IQUB: variants seen among roughly 807,000 people sequenced by gnomAD.
IQUB encodes IQ motif and ubiquitin-like domain-containing protein.
Under a neutral mutation model 86.4 loss-of-function variants are expected in IQUB, and 86 were observed. That is an observed-to-expected ratio of 1.00 (90% CI 0.84 to 1.19). The LOEUF is 1.19. Ranked by LOEUF, IQUB falls within the 50% of genes most tolerant of loss-of-function variation. The probability of loss-of-function intolerance (pLI) is 0.00; values close to 1 mark genes in which losing one functional copy is unlikely to be tolerated. For synonymous variants in IQUB, 289 were observed against 304.5 expected, an observed-to-expected ratio of 0.95 and a Z score of 0.53; for missense variants, 946 against 916.9, an observed-to-expected ratio of 1.03 and a Z score of -0.41.
At chr7:123,461,855 T>C (rs1363431121) in intron 10 of IQUB, among the ~76,000 whole-genome samples, 1 of 151,870 alleles carries the variant, frequency 6.6e-6, no homozygotes, top group Non-Finnish European at 1.5e-5. Flanking sequence ...TCTTAGATAT[T>C]TGTGGTAAAA....
At chr7:123,469,527 A>G in intron 8 of IQUB, 143 bp from the exon 9 acceptor site, 1 of 460,238 alleles carries the variant, frequency 2.2e-6, no homozygotes. Context: ...TAATTTAAGA[A>G]TTTGCAGATC....
chr7:123,462,010 GTTC>G (rs537056012), intron 10 of IQUB, among the ~76,000 whole-genome samples: 62 of 151,732 alleles, frequency 4.1e-4, no homozygotes, highest in African/African-American at 1.2e-3. Flanking sequence ...TAACCCAATT[GTTC>G]TTCTCGTTTA....
At chr7:123,487,599 A>C (rs1795264393) in intron 7 of IQUB, among the ~76,000 whole-genome samples, 4 of 152,258 alleles carry the variant, frequency 2.6e-5, no homozygotes, top group Admixed American at 2.0e-4. Context: ...GAATTTTTCA[A>C]ACCTAGCAAA....
intron 6 of IQUB, among the ~76,000 whole-genome samples, chr7:123,498,638 G>A (rs1314197989): frequency 2.0e-5 from 3 of 152,128 alleles, no homozygotes; most frequent in East Asian, 1.9e-4. Context: ...TTTAGGGCTC[G>A]TAGGAAAGCT....
chr7:123,479,842 C>T lies in IQUB; in HGVS notation c.1363G>A (p.Ala455Thr). Reference sequence around the variant, plus strand: ...GCTGCTTCCTGATTTGCCATATAAGCAATGTATCTATGTCTCCCAATGGAA... The same window carrying T: ...GCTGCTTCCTGATTTGCCATATAAGTAATGTATCTATGTCTCCCAATGGAA... ...IASIGRHRYI[A>T]YMANQEAAIQ... Residue 455 changes from alanine (A) to threonine (T), a missense_variant, in exon 8 of 13, where the codon GCT (alanine) becomes ACT (threonine). Physicochemically the swap from Ala to Thr is moderately conservative, Grantham distance 58. Transcript: ENST00000324698. 6.2e-7 allele frequency: 1 copy of T among 1,612,846 alleles called. No homozygotes were observed.
intron 1 of IQUB, among the ~76,000 whole-genome samples, chr7:123,512,637 T>C (rs546753525): frequency 1.8e-4 from 27 of 152,334 alleles, no homozygotes; most frequent in African/African-American, 6.3e-4. Context: ...TAATGAAGAA[T>C]GCCTCATGAA....
At chr7:123,525,617 G>GA (rs1797163497) in intron 1 of IQUB, among the ~76,000 whole-genome samples, 1 of 151,894 alleles carries the variant, frequency 6.6e-6, no homozygotes, top group African/African-American at 2.4e-5. Flanking sequence ...TCTTGCTAGC[G>GA]GTCTATCAAT....
In IQUB at chr7:123,461,700, T is replaced by TTATC. The variant is rs1354559860; in HGVS notation, c.1759-99_1759-96dup. 1.3e-5 allele frequency: 14 copies of TTATC among 1,095,716 alleles called. No individual in the cohort carries two copies. In the African/African-American group the frequency reaches 2.1e-4, roughly 16 times the overall value. 67.9% of individuals were successfully genotyped at this position (1,095,716 alleles called of 1,614,324 possible). A position where few individuals can be genotyped will look rare whatever the true frequency, so the allele number is the denominator to read the frequency against. On this transcript the variant is annotated intron_variant, in intron 10 of 12. Coordinates refer to ENST00000324698, the MANE Select transcript of IQUB (RefSeq NM_178827.5). ...ATGGAAGCATCAAAGGCTAACTTAC[T>TTATC]TATCTTAGAATGAGATTTAAAAAAA... is the stretch of plus-strand genomic sequence containing the variant.
intron 1 of IQUB, among the ~76,000 whole-genome samples, 199 bp from the exon 2 acceptor site, chr7:123,512,543 A>G (rs959714851): frequency 6.6e-6 from 1 of 152,234 alleles, no homozygotes; most frequent in African/African-American, 2.4e-5. Flanking sequence ...TCTGCAAAGA[A>G]TATATGGAAA....
intron 10 of IQUB, among the ~76,000 whole-genome samples, chr7:123,464,166 CCCCA>C (rs896471149): frequency 2.6e-5 from 4 of 151,744 alleles, no homozygotes; most frequent in African/African-American, 9.7e-5. Context: ...ACATACTCTA[CCCCA>C]AGAGTTTTGC....
In IQUB at chr7:123,503,240, G is replaced by GT; in HGVS notation, c.655dup (p.Thr219AsnfsTer2). The GT allele has an allele frequency of 1.2e-6, 2 of 1,612,114 alleles. No homozygotes were observed. The highest frequency in any genetic ancestry group is 4.5e-5 in the East Asian group (2 of 44,798). ...GACAGTTATGATTTGAGAGACATCA[G>GT]TTAATCCATCTATTCTTCTGACTGG... On this transcript the variant is annotated frameshift_variant, in exon 4 of 13. Coordinates refer to ENST00000324698, the MANE Select transcript of IQUB (RefSeq NM_178827.5). LOFTEE classifies it high-confidence loss of function.
rs757070704 is a variant in IQUB, at chr7:123,479,836, T to C, written c.1369A>G (p.Met457Val). The C allele has an allele frequency of 3.1e-6, 5 of 1,612,742 alleles. No individual in the cohort carries two copies. Among genetic ancestry groups the C allele is most frequent in the Non-Finnish European group, 3.4e-6 (4 of 1,179,322 alleles). ...SIGRHRYIAYMANQEAAIQAF... is the reference protein window; with the variant it reads ...SIGRHRYIAYVANQEAAIQAF... ...TGTATTGCTGCTTCCTGATTTGCCATATAAGCAATGTATCTATGTCTCCCA... is the reference window on the plus strand; with the variant it reads ...TGTATTGCTGCTTCCTGATTTGCCACATAAGCAATGTATCTATGTCTCCCA... The change falls in exon 8 of 13, where the codon ATG (methionine) becomes GTG (valine). Residue 457 changes from methionine to valine, a missense_variant. Physicochemically the swap from Met to Val is conservative, Grantham distance 21. Transcript: ENST00000324698.
At chr7:123,513,139 G>C (rs1796503477) in intron 1 of IQUB, among the ~76,000 whole-genome samples, 1 of 152,188 alleles carries the variant, frequency 6.6e-6, no homozygotes, top group Non-Finnish European at 1.5e-5. Flanking sequence ...AGGTGGAAAA[G>C]CTCTCTCTGG....
At chr7:123,473,817 C>G (rs986230404) in intron 8 of IQUB, among the ~76,000 whole-genome samples, 2 of 151,506 alleles carry the variant, frequency 1.3e-5, no homozygotes, top group African/African-American at 4.9e-5. Context: ...AAACTCCTGA[C>G]CTCGCGATCC....
intron 8 of IQUB, among the ~76,000 whole-genome samples, chr7:123,478,897 G>A: frequency 6.6e-6 from 1 of 152,102 alleles, no homozygotes; most frequent in East Asian, 1.9e-4. Flanking sequence ...AAAGAGCAGT[G>A]ACAGTAGGCC....
At chr7:123,504,259 T>C (rs1170483241) in intron 3 of IQUB, among the ~76,000 whole-genome samples, 1 of 151,914 alleles carries the variant, frequency 6.6e-6, no homozygotes, top group African/African-American at 2.4e-5. Flanking sequence ...GACCAGCCTG[T>C]CCAACATGGG....
intron 8 of IQUB, among the ~76,000 whole-genome samples, chr7:123,470,712 G>A (rs1033794444): frequency 3.9e-5 from 6 of 152,014 alleles, no homozygotes; most frequent in East Asian, 1.9e-4. Flanking sequence ...TTAGCCGGGC[G>A]TGGTGACGGA....
At chr7:123,456,136 A>G (rs1443151036) in intron 12 of IQUB, among the ~76,000 whole-genome samples, 2 of 152,136 alleles carry the variant, frequency 1.3e-5, no homozygotes, top group African/African-American at 2.4e-5. Context: ...GTCTGCTTGC[A>G]AATCTTGGTG....
intron 6 of IQUB, chr7:123,502,019 A>G (rs563426799): frequency 6.6e-6 from 1 of 152,320 alleles, no homozygotes; most frequent in South Asian, 2.1e-4. Flanking sequence ...TTTTTTCACT[A>G]CAAGTTTGTC....
Sources: allele counts gnomAD v4.1 joint callset (sites outside exome capture counted in the v4.1 genomes callset), GRCh38; gene constraint gnomAD v4.1.1; transcripts MANE v1.5; gene names NCBI Gene and HGNC (gene_info 2026-07-23, HGNC 2026-07-21).